CAMTA1: variants seen among roughly 807,000 people sequenced by gnomAD.
CAMTA1 encodes calmodulin binding transcription activator 1.
Under a neutral mutation model 170.9 loss-of-function variants are expected in CAMTA1, and 27 were observed. The observed-to-expected ratio is 0.16, with a 90% CI of 0.12 to 0.22. The LOEUF (loss-of-function observed/expected upper bound fraction) is 0.22. CAMTA1 is among the 10% of genes least tolerant of loss of function. The pLI is 1.00. For missense variants in CAMTA1, 1,619 were observed against 2,217.2 expected, an observed-to-expected ratio of 0.73 and a Z score of 5.42; for synonymous variants, 833 against 891.5, an observed-to-expected ratio of 0.93 and a Z score of 1.17.
rs543992039 is a variant in CAMTA1 at position 7,622,978 on chromosome 1, C to T, written c.511-17422C>T. ...TCGTCCCTATTCCCTGTGCCTGAATCCTTTCCTCTCCCAGAGCTCCCCACA... is the reference window on the plus strand; with the variant it reads ...TCGTCCCTATTCCCTGTGCCTGAATTCTTTCCTCTCCCAGAGCTCCCCACA... On this transcript the variant is annotated intron_variant, in intron 6 of 22. Transcript: ENST00000303635. Among the ~76,000 whole-genome samples, 209 of 152,354 alleles carry T rather than the reference C, an allele frequency of 1.4e-3. 1 individual carries two copies. The highest frequency in any genetic ancestry group is 4.8e-3 in the African/African-American group (199 of 41,582).
chr1:7,660,303 G>A (rs1443221356), intron 7 of CAMTA1, among the ~76,000 whole-genome samples: 1 of 152,206 alleles, frequency 6.6e-6, no homozygotes, highest in African/African-American at 2.4e-5. Flanking sequence ...CTGACCTCAG[G>A]TGATCCGCCC....
intron 6 of CAMTA1, among the ~76,000 whole-genome samples, chr1:7,498,969 GTGAGTC>G (rs2093904033): frequency 7.0e-6 from 1 of 142,144 alleles, no homozygotes; most frequent in African/African-American, 2.7e-5. Context: ...AGAGGATTGT[GTGAGTC>G]TGGTGTGCGT....
intron 11 of CAMTA1, among the ~76,000 whole-genome samples, chr1:7,686,303 G>A (rs1034760481): frequency 2.6e-5 from 4 of 152,156 alleles, no homozygotes; most frequent in East Asian, 3.9e-4. Flanking sequence ...GTACCAGGGC[G>A]GCTGCTTTAT....
rs145647890 is a variant in CAMTA1, at chr1:7,295,724, G to T, written c.438+46098G>T. On this transcript the variant is annotated intron_variant, in intron 5 of 22. Coordinates refer to ENST00000303635, the MANE Select transcript of CAMTA1 (RefSeq NM_015215.4). Reference sequence around the variant, plus strand: ...AAATGAACAGACAGAAAATATCCACGCCCTTGTCACTTACCTGCAGCAGAC... The same window carrying T: ...AAATGAACAGACAGAAAATATCCACTCCCTTGTCACTTACCTGCAGCAGAC... Among the ~76,000 whole-genome samples, 1,284 of 152,218 alleles carry T rather than the reference G, an allele frequency of 8.4e-3. 17 individuals carry two copies. The highest frequency in any genetic ancestry group is 0.029 in the African/African-American group (1,209 of 41,522).
intron 3 of CAMTA1, among the ~76,000 whole-genome samples, chr1:7,045,953 G>A (rs1315020179): frequency 6.6e-6 from 1 of 152,186 alleles, no homozygotes; most frequent in African/African-American, 2.4e-5. Flanking sequence ...TAAAACAGAC[G>A]CATGGTTTAG....
At chr1:7,160,914 A>C (rs1410385178) in intron 4 of CAMTA1, among the ~76,000 whole-genome samples, 5 of 152,114 alleles carry the variant, frequency 3.3e-5, no homozygotes, top group African/African-American at 1.2e-4. Flanking sequence ...CCAGTCATTC[A>C]CCACTTGTGT....
chr1:7,368,677 C>T (rs552633865), intron 5 of CAMTA1, among the ~76,000 whole-genome samples: 87 of 152,190 alleles, frequency 5.7e-4, no homozygotes, highest in Non-Finnish European at 1.1e-3. Flanking sequence ...CTCGTCTGCC[C>T]TCCCCTAAGC....
At chr1:7,278,506 A>G (rs1671054925) in intron 5 of CAMTA1, among the ~76,000 whole-genome samples, 1 of 152,236 alleles carries the variant, frequency 6.6e-6, no homozygotes, top group East Asian at 1.9e-4. Context: ...GCATTATCTG[A>G]ATTTTACAAC....
intron 4 of CAMTA1, among the ~76,000 whole-genome samples, chr1:7,114,592 A>AT (rs2148408337): frequency 6.6e-6 from 1 of 152,328 alleles, no homozygotes; most frequent in South Asian, 2.1e-4. Context: ...AGGCAAAGAG[A>AT]TTTTTTATAA....
intron 3 of CAMTA1, among the ~76,000 whole-genome samples, chr1:6,944,527 G>T (rs190484155): frequency 1.1e-4 from 16 of 152,188 alleles, no homozygotes; most frequent in Admixed American, 7.2e-4. Context: ...TATGGCACAG[G>T]CACAGGCTGC....
rs1462370941 is a variant in CAMTA1 at position 7,007,128 on chromosome 1, T to C, written c.235-84176T>C. ...AAGGGGATGGATGATGGCTCGTGGTTGTTTGGTGGGCACCATGCTACCTCT... is the reference window on the plus strand; with the variant it reads ...AAGGGGATGGATGATGGCTCGTGGTCGTTTGGTGGGCACCATGCTACCTCT... On this transcript the variant is annotated intron_variant, in intron 3 of 22. Transcript: ENST00000303635. This position sits in a 1 kb window ranked among gnomAD's most constrained non-coding sequence, Gnocchi z 4.5. Among the ~76,000 whole-genome samples the C allele has an allele frequency of 2.0e-5, 3 of 152,064 alleles. No individual in the cohort carries two copies. Among genetic ancestry groups the C allele is most frequent in the Non-Finnish European group, 4.4e-5 (3 of 68,010 alleles).
At chr1:7,072,297 G>A (rs977942176) in intron 3 of CAMTA1, among the ~76,000 whole-genome samples, 2 of 152,232 alleles carry the variant, frequency 1.3e-5, no homozygotes, top group Admixed American at 6.5e-5. Flanking sequence ...CAGGCAACAT[G>A]TCTGGGCAGC....
At chr1:7,524,498 C>T (rs989444453) in intron 6 of CAMTA1, among the ~76,000 whole-genome samples, 17 of 152,202 alleles carry the variant, frequency 1.1e-4, no homozygotes, top group Non-Finnish European at 1.5e-4. Context: ...TGCCTCAGAA[C>T]TTCCTGTACT....
At chr1:7,658,523 G>A (rs550936592) in intron 7 of CAMTA1, among the ~76,000 whole-genome samples, 45 of 152,256 alleles carry the variant, frequency 3.0e-4, no homozygotes, top group African/African-American at 9.4e-4. Flanking sequence ...CCTGTGCAGC[G>A]GTACAGAGGA....
chr1:7,336,515 T>C (rs1187478364), intron 5 of CAMTA1, among the ~76,000 whole-genome samples: 1 of 152,228 alleles, frequency 6.6e-6, no homozygotes, highest in African/African-American at 2.4e-5. Context: ...CCTGCTTCCA[T>C]GACCACCCTG....
At chr1:6,826,813 C>A (rs1447249845) in intron 3 of CAMTA1, among the ~76,000 whole-genome samples, 1 of 152,174 alleles carries the variant, frequency 6.6e-6, no homozygotes, top group Non-Finnish European at 1.5e-5. Flanking sequence ...AATCAGTGGC[C>A]TGAAGAGTCT....
At position 7,634,460 on chromosome 1, in the gene CAMTA1, C is replaced by T. The variant is rs902628151; in HGVS notation, c.511-5940C>T. Among the ~76,000 whole-genome samples, 6 of 151,874 alleles carry T rather than the reference C, an allele frequency of 4.0e-5. No individual in the cohort carries two copies. The highest frequency in any genetic ancestry group is 2.1e-4 in the South Asian group (1 of 4,808). On this transcript the variant is annotated intron_variant, in intron 6 of 22. Transcript: ENST00000303635. This position sits in a 1 kb window ranked among gnomAD's most constrained non-coding sequence, Gnocchi z 6.2. ...GGATTTTGAGGCCTTCGAGGGGTGCCGTCAACAGGCAGGTAGGCAAGAGAG... is the reference window on the plus strand; with the variant it reads ...GGATTTTGAGGCCTTCGAGGGGTGCTGTCAACAGGCAGGTAGGCAAGAGAG...
At chr1:7,476,976 G>A (rs1428563196) in intron 6 of CAMTA1, among the ~76,000 whole-genome samples, 1 of 152,182 alleles carries the variant, frequency 6.6e-6, no homozygotes, top group Non-Finnish European at 1.5e-5. Context: ...GCTGGCTGAA[G>A]ACCCAGACAC....
chr1:7,708,985 C>T (rs2096548723), intron 11 of CAMTA1, among the ~76,000 whole-genome samples: 1 of 152,142 alleles, frequency 6.6e-6, no homozygotes, highest in Non-Finnish European at 1.5e-5. Flanking sequence ...TTCACCACCC[C>T]ATACATCATG....
Sources: gnomAD v4.1 joint callset for allele counts (sites outside exome capture counted in the v4.1 genomes callset) on GRCh38, gnomAD v4.1.1 for gene constraint, Gnocchi (gnomAD v3.1) non-coding constraint, MANE v1.5 for transcripts, NCBI Gene and HGNC (gene_info 2026-07-23, HGNC 2026-07-21) for gene names.